Variants in HYCC1 observed in about 807,000 individuals in gnomAD.
HYCC1 encodes the protein hyccin PI4KA lipid kinase complex subunit 1, also known as hyccin.
chr7:23,002,157 TA>T, the HYCC1 span, among the ~76,000 whole-genome samples: 26,252 of 97,380 alleles, frequency 0.27, 3,279 homozygotes, highest in South Asian at 0.33. Context: ...TATATATATA[TA>T]TATATATATA....
chr7:22,980,724 C>G, the HYCC1 span, among the ~76,000 whole-genome samples: 1 of 152,084 alleles, frequency 6.6e-6, no homozygotes, highest in East Asian at 1.9e-4. Flanking sequence ...TATTCAGGAA[C>G]CAGCAGCTAC....
chr7:23,000,529 A>G, the HYCC1 span, among the ~76,000 whole-genome samples: 9 of 152,156 alleles, frequency 5.9e-5, no homozygotes, highest in Non-Finnish European at 5.9e-5. Context: ...ACATTCTACC[A>G]AAACTTGATT....
the HYCC1 span, chr7:22,942,031 T>G: frequency 2.0e-5 from 3 of 152,304 alleles, no homozygotes; most frequent in Non-Finnish European, 2.9e-5. Flanking sequence ...TTATTGTGCC[T>G]AAACGCAAAT....
the HYCC1 span, chr7:22,942,714 T>C: frequency 1.3e-5 from 2 of 152,172 alleles, no homozygotes; most frequent in African/African-American, 4.8e-5. Context: ...ACTTAGGAGA[T>C]CTGTGACCAT....
At chr7:22,918,050 T>C in the HYCC1 span, among the ~76,000 whole-genome samples, 1 of 152,142 alleles carries the variant, frequency 6.6e-6, no homozygotes, top group Non-Finnish European at 1.5e-5. Context: ...AAGAGGACTC[T>C]GTATATTTTT....
the HYCC1 span, chr7:22,935,961 T>C: frequency 6.7e-6 from 1 of 149,498 alleles, no homozygotes; most frequent in African/African-American, 2.5e-5. Flanking sequence ...GATTTTCATG[T>C]TTTGAAGAGT....
At chr7:22,947,352 T>C in the HYCC1 span, 1 of 850,246 alleles carries the variant, frequency 1.2e-6, no homozygotes, top group South Asian at 1.7e-5. Context: ...CTGAATGTTA[T>C]GAATTAAGCC....
the HYCC1 span, chr7:22,960,370 A>T: frequency 2.5e-6 from 4 of 1,613,518 alleles, no homozygotes; most frequent in Middle Eastern, 1.7e-4. Context: ...TCCTTATTAG[A>T]TTTCATGGGA....
At chr7:22,934,064 C>T in the HYCC1 span, 1 of 152,084 alleles carries the variant, frequency 6.6e-6, no homozygotes, top group African/African-American at 2.4e-5. Context: ...CTACAGAGTT[C>T]TTAAATGAGA....
At chr7:22,990,752 G>C in the HYCC1 span, among the ~76,000 whole-genome samples, 1 of 152,122 alleles carries the variant, frequency 6.6e-6, no homozygotes. Context: ...GAAACATTTT[G>C]ACAATGAATC....
chr7:22,920,878 T>C, the HYCC1 span, among the ~76,000 whole-genome samples: 1 of 152,172 alleles, frequency 6.6e-6, no homozygotes, highest in African/African-American at 2.4e-5. Flanking sequence ...ACCATCCCCA[T>C]GGTGATGAGT....
At chr7:22,958,765 T>C in the HYCC1 span, among the ~76,000 whole-genome samples, 1 of 152,068 alleles carries the variant, frequency 6.6e-6, no homozygotes, top group Non-Finnish European at 1.5e-5. Flanking sequence ...TATGCACAAA[T>C]ACAAGGGAGC....
chr7:22,975,199 A>G, the HYCC1 span, among the ~76,000 whole-genome samples: 8 of 130,914 alleles, frequency 6.1e-5, no homozygotes, highest in African/African-American at 2.0e-4. Flanking sequence ...ATAATCTGTC[A>G]TTTTTGTTTG....
the HYCC1 span, among the ~76,000 whole-genome samples, chr7:22,985,951 T>C: frequency 6.6e-6 from 1 of 150,522 alleles, no homozygotes; most frequent in African/African-American, 2.4e-5. Context: ...AACATATATA[T>C]CTAACTATAA....
chr7:22,946,889 A>G, the HYCC1 span: 5 of 1,402,910 alleles, frequency 3.6e-6, no homozygotes, highest in South Asian at 5.6e-5. Context: ...GATTACATGC[A>G]AAATTTTTGT....
chr7:22,904,776 T>A, the HYCC1 span, among the ~76,000 whole-genome samples: 5 of 151,024 alleles, frequency 3.3e-5, no homozygotes, highest in African/African-American at 7.3e-5. Flanking sequence ...AAACCCTGTC[T>A]CTACTAAAAA....
At chr7:22,984,409 C>A in the HYCC1 span, among the ~76,000 whole-genome samples, 1 of 152,106 alleles carries the variant, frequency 6.6e-6, no homozygotes, top group Non-Finnish European at 1.5e-5. Flanking sequence ...CATCTTTGAT[C>A]ATAGTTTGGG....
the HYCC1 span, among the ~76,000 whole-genome samples, chr7:22,963,412 A>G: frequency 6.6e-6 from 1 of 152,224 alleles, no homozygotes; most frequent in Admixed American, 6.5e-5. Flanking sequence ...GGTAACAGAG[A>G]TGAAAAATGC....
the HYCC1 span, among the ~76,000 whole-genome samples, chr7:22,957,714 AGT>A: frequency 6.6e-6 from 1 of 151,956 alleles, no homozygotes; most frequent in Admixed American, 6.6e-5. Context: ...GTGAGGGAAT[AGT>A]AGGGATATGA....
Sources: allele counts gnomAD v4.1 joint callset (sites outside exome capture counted in the v4.1 genomes callset), GRCh38; gene constraint gnomAD v4.1.1; transcripts MANE v1.5; gene names NCBI Gene and HGNC (gene_info 2026-07-23, HGNC 2026-07-21).